Variants in UBXN4 observed in about 807,000 individuals in gnomAD.
UBXN4 encodes the protein UBX domain protein 4, also known as UBX domain-containing protein 4.
A neutral mutation model predicts 66.2 loss-of-function variants in UBXN4; 35 were observed. The ratio of observed to expected loss-of-function variants is 0.53; its 90% CI spans 0.40 to 0.70. The LOEUF (loss-of-function observed/expected upper bound fraction) is 0.70. Ranked by LOEUF, UBXN4 falls within the 30% of genes least tolerant of loss-of-function variation. The pLI, the probability that UBXN4 is intolerant of heterozygous loss-of-function variation, is 0.00. For missense variants in UBXN4, 533 were observed against 599.8 expected (o/e 0.89, Z 1.16); for synonymous variants, 203 against 204.5 (o/e 0.99, Z 0.06).
chr2:135,744,765 C>T (rs2105489481), intron 1 of UBXN4, among the ~76,000 whole-genome samples: 1 of 152,256 alleles, frequency 6.6e-6, no homozygotes, highest in East Asian at 1.9e-4. Flanking sequence ...ATCTTAGGCC[C>T]ACCTAACTTT....
chr2:135,753,773 G>A lies in UBXN4; in HGVS notation c.214+206G>A, dbSNP rs903665402. The A allele has an allele frequency of 7.4e-5, 37 of 500,230 alleles. No individual in the cohort carries two copies. The East Asian group carries it at 1.2e-3, about 17-fold the overall frequency. The allele number at this position is 500,230 out of a possible 1,614,324, so 31.0% of individuals were successfully genotyped here. ...TATAAAAGTAACTCAATGGTGTAGT[G>A]CACCCCATACATTGAGATAATATAT... is the stretch of plus-strand genomic sequence containing the variant. On this transcript the variant is annotated intron_variant, in intron 3 of 12. Transcript: ENST00000272638.
chr2:135,745,875 CTTTTTTTTT>C (rs59946844), intron 1 of UBXN4, among the ~76,000 whole-genome samples: 13 of 74,406 alleles, frequency 1.7e-4, no homozygotes, highest in African/African-American at 5.1e-4. Flanking sequence ...GTCCCGTTTA[CTTTTTTTTT>C]TTTTTTTTTT....
intron 5 of UBXN4, among the ~76,000 whole-genome samples, chr2:135,758,091 T>G (rs969003826): frequency 3.3e-5 from 5 of 151,182 alleles, no homozygotes; most frequent in African/African-American, 1.2e-4. Flanking sequence ...TTTTTTTTTT[T>G]GAGATGGAAT....
intron 1 of UBXN4, among the ~76,000 whole-genome samples, chr2:135,747,061 G>A: frequency 6.6e-6 from 1 of 152,040 alleles, no homozygotes; most frequent in East Asian, 1.9e-4. Context: ...TTACAATCAA[G>A]GAAAACTAGT....
In UBXN4 at chr2:135,752,344, G is replaced by A. The variant is rs539767370; in HGVS notation, c.186-1195G>A. Among the ~76,000 whole-genome samples the A allele has an allele frequency of 2.0e-5, 3 of 152,144 alleles. No individual in the cohort carries two copies. The South Asian group carries it at 6.2e-4, about 32-fold the overall frequency. ...TTACAGGCGTGAGCCACCACGCCAG[G>A]CCAATTTTTGTATTTTTAGTAGAGA... On this transcript the variant is annotated intron_variant, in intron 2 of 12. Transcript: ENST00000272638.
chr2:135,760,587 CTTA>C (rs1467288929), intron 5 of UBXN4, among the ~76,000 whole-genome samples: 1 of 152,200 alleles, frequency 6.6e-6, no homozygotes, highest in Non-Finnish European at 1.5e-5. Context: ...TAACTGTACT[CTTA>C]TTCAACACTT....
At position 135,782,406 on chromosome 2, in the gene UBXN4, T is replaced by G. The variant is rs1172821760; in HGVS notation, c.1389-343T>G. Among the ~76,000 whole-genome samples the G allele has an allele frequency of 3.9e-5, 6 of 152,370 alleles. No individual in the cohort carries two copies. In the East Asian group the frequency reaches 9.6e-4, roughly 24 times the overall value. ...TCTAGGGTGCTAAGTTACAAATGTT[T>G]TAGTAGATAATGTCGGCTTGCATAA... On this transcript the variant is annotated intron_variant, in intron 12 of 12. Transcript: ENST00000272638.
At chr2:135,770,803 A>G (rs535970248) in intron 8 of UBXN4, 68 bp downstream of exon 8, 44 of 1,322,984 alleles carry the variant, frequency 3.3e-5, no homozygotes, top group Non-Finnish European at 4.0e-5. Flanking sequence ...GATTACTACC[A>G]GACTGTGCAC....
rs961621846 is a variant in UBXN4 at position 135,770,756 on chromosome 2, C to T, written c.822+21C>T. ...CATTGGTAAGTCTTAAGTTTCCAGACATTCGTGAAACTGTTTTTCTGTGCA... is the reference window on the plus strand; with the variant it reads ...CATTGGTAAGTCTTAAGTTTCCAGATATTCGTGAAACTGTTTTTCTGTGCA... On this transcript the variant is annotated intron_variant, in intron 8 of 12. Coordinates refer to ENST00000272638, the MANE Select transcript of UBXN4 (RefSeq NM_014607.4). 7.5e-6 allele frequency: 11 copies of T among 1,464,598 alleles called. No homozygotes were observed. The African/African-American group carries it at 1.6e-4, about 21-fold the overall frequency. 90.7% of individuals were successfully genotyped at this position (1,464,598 alleles called of 1,614,324 possible).
At chr2:135,757,353 C>T in intron 5 of UBXN4, among the ~76,000 whole-genome samples, 1 of 152,116 alleles carries the variant, frequency 6.6e-6, no homozygotes, top group East Asian at 1.9e-4. Flanking sequence ...TTCTTTCTCT[C>T]TTATTATAAC....
intron 5 of UBXN4, among the ~76,000 whole-genome samples, chr2:135,759,997 A>T (rs1005900096): frequency 5.9e-5 from 9 of 151,908 alleles, no homozygotes; most frequent in African/African-American, 2.2e-4. Flanking sequence ...CAAACTCCTG[A>T]CCTCAAATGA....
chr2:135,776,125 G>A (rs2077413009), intron 9 of UBXN4, 124 bp from the exon 10 acceptor site: 1 of 722,908 alleles, frequency 1.4e-6, no homozygotes, highest in Admixed American at 2.9e-5. Context: ...CAAACAAAAA[G>A]ATCTGATATG....
rs867352211 is a variant in UBXN4 at position 135,771,198 on chromosome 2, C to T, written c.822+463C>T. Among the ~76,000 whole-genome samples the T allele has an allele frequency of 7.2e-5, 11 of 152,108 alleles. No individual in the cohort carries two copies. In the South Asian group the frequency reaches 1.4e-3, roughly 20 times the overall value. ...GCTGCAATACATATTAAAACCATCC[C>T]GCCAGGTGTGGCTCACGCCTGTAAT... On this transcript the variant is annotated intron_variant, in intron 8 of 12. Transcript: ENST00000272638.
intron 6 of UBXN4, among the ~76,000 whole-genome samples, chr2:135,762,538 C>T (rs576818312): frequency 2.0e-5 from 3 of 152,266 alleles, no homozygotes; most frequent in East Asian, 1.9e-4. Context: ...TTTAAAAAAA[C>T]CTTCCTTAGA....
intron 6 of UBXN4, among the ~76,000 whole-genome samples, chr2:135,762,198 C>G (rs547841319): frequency 6.6e-6 from 1 of 152,296 alleles, no homozygotes; most frequent in South Asian, 2.1e-4. Context: ...CTGCTTTTAT[C>G]TCTATGCCAT....
intron 1 of UBXN4, among the ~76,000 whole-genome samples, chr2:135,746,929 G>C (rs2077210501): frequency 6.6e-6 from 1 of 152,072 alleles, no homozygotes; most frequent in Non-Finnish European, 1.5e-5. Context: ...GACTTAGCAG[G>C]AAGACCAATT....
chr2:135,762,055 A>G (rs1016283858), intron 6 of UBXN4, 144 bp downstream of exon 6: 2 of 772,432 alleles, frequency 2.6e-6, no homozygotes, highest in Admixed American at 3.0e-5. Context: ...ACTAATTTGT[A>G]TCCATAAACA....
chr2:135,755,819 A>G (rs1259922406), intron 5 of UBXN4, 128 bp downstream of exon 5: 1 of 602,368 alleles, frequency 1.7e-6, no homozygotes, highest in Admixed American at 5.0e-5. Context: ...AAAATTTAAG[A>G]GTCATATTAA....
At chr2:135,746,881 T>C (rs931403511) in intron 1 of UBXN4, among the ~76,000 whole-genome samples, 2 of 139,556 alleles carry the variant, frequency 1.4e-5, no homozygotes, top group African/African-American at 2.6e-5. Context: ...GTTGATGTGA[T>C]CTTTTTTTTT....
Sources: gnomAD v4.1 joint callset for allele counts (sites outside exome capture counted in the v4.1 genomes callset) on GRCh38, gnomAD v4.1.1 for gene constraint, MANE v1.5 for transcripts, NCBI Gene and HGNC (gene_info 2026-07-23, HGNC 2026-07-21) for gene names.